PYGB: variants seen among roughly 807,000 people sequenced by gnomAD.
The protein encoded by PYGB is glycogen phosphorylase, brain form.
A neutral mutation model predicts 94.3 loss-of-function variants in PYGB; 82 were observed. The observed-to-expected ratio is 0.87, with a 90% CI of 0.73 to 1.04. The LOEUF (loss-of-function observed/expected upper bound fraction) is 1.04. Among genes scored for constraint, PYGB ranks in the 50% least tolerant of loss-of-function variants. The pLI, the probability that PYGB is intolerant of heterozygous loss-of-function variation, is 0.00. For missense variants in PYGB, 1,132 were observed against 1,158.2 expected, an observed-to-expected ratio of 0.98 and a Z score of 0.33; for synonymous variants, 488 against 479.1, an observed-to-expected ratio of 1.02 and a Z score of -0.24.
Position 25,277,326 on chromosome 20 carries a change from C to A in PYGB, c.855C>A (p.Asn285Lys). The change falls in exon 7 of 20, where the codon AAC becomes AAA. Residue 285 changes from asparagine (N) to lysine (K), a missense_variant and splice_region_variant. Asn to Lys is a moderately conservative substitution (Grantham distance 94, BLOSUM62 0). Transcript: ENST00000216962. Reference protein sequence around the residue: ...NISRVLYPNDNFFEGKELRLK... With the variant: ...NISRVLYPNDKFFEGKELRLK... ...CCAGGGTCCTGTATCCAAATGATAA[C>A]GTGAGTAGCTGGCCTGGGCACTCTT... 2.6e-6 allele frequency: 4 copies of A among 1,556,648 alleles called. No homozygotes were observed. Among genetic ancestry groups the A allele is most frequent in the South Asian group, 1.1e-5 (1 of 89,894 alleles).
intron 1 of PYGB, among the ~76,000 whole-genome samples, chr20:25,253,921 A>C (rs762145440): frequency 6.6e-6 from 1 of 151,996 alleles, no homozygotes; most frequent in Non-Finnish European, 1.5e-5. Context: ...AAAATACAAA[A>C]ATTAGCCAGG....
intron 3 of PYGB, among the ~76,000 whole-genome samples, chr20:25,270,170 AT>A (rs2088253151): frequency 8.2e-6 from 1 of 121,370 alleles, no homozygotes; most frequent in Non-Finnish European, 1.8e-5. Context: ...TGTTTTTTTG[AT>A]TTTTTTAATC....
chr20:25,274,617 G>A lies in PYGB; in HGVS notation c.554G>A (p.Arg185His), dbSNP rs747769681. Residue 185 changes from arginine to histidine, a missense_variant, in exon 5 of 20, where the codon CGC (arginine) becomes CAC (histidine). Arg to His is a conservative substitution (Grantham distance 29). Coordinates refer to ENST00000216962, the MANE Select transcript of PYGB (RefSeq NM_002862.4). ...GTAGAGGAGGCCGATGACTGGCTGC[G>A]CTACGGCAACCCCTGGGAGAAAGCG... ...WQVEEADDWLRYGNPWEKARP... is the reference protein window; with the variant it reads ...WQVEEADDWLHYGNPWEKARP... 8 of 1,613,588 alleles carry A rather than the reference G, an allele frequency of 5.0e-6. No homozygotes were observed. The highest frequency in any genetic ancestry group is 2.2e-5 in the South Asian group (2 of 91,090).
intron 1 of PYGB, 59 bp downstream of exon 1, chr20:25,248,480 C>T: frequency 7.7e-7 from 1 of 1,298,044 alleles, no homozygotes; most frequent in Non-Finnish European, 9.8e-7. Flanking sequence ...GGTCCCGGAG[C>T]CGCGCCAGCG....
In PYGB at chr20:25,293,151, G is replaced by A. The variant is rs2088487536; in HGVS notation, c.2177+538G>A. ...TCGGGGGGGGTGGGGGAGTGGGGGGGATGGGGGGGTTGGGGGGTGGCAGAG... is the reference window on the plus strand; with the variant it reads ...TCGGGGGGGGTGGGGGAGTGGGGGGAATGGGGGGGTTGGGGGGTGGCAGAG... On this transcript the variant is annotated intron_variant, in intron 17 of 19. Transcript: ENST00000216962. Among the ~76,000 whole-genome samples the A allele has an allele frequency of 2.5e-5, 3 of 122,090 alleles. No individual in the cohort carries two copies. The South Asian group carries it at 7.9e-4, about 32-fold the overall frequency. 80.1% of individuals were successfully genotyped at this position (122,090 alleles called of 152,430 possible).
intron 3 of PYGB, 115 bp from the exon 4 acceptor site, chr20:25,271,268 C>T (rs951814289): frequency 7.5e-6 from 7 of 938,694 alleles, no homozygotes; most frequent in Middle Eastern, 2.5e-4. Context: ...CTCAGTGAAG[C>T]CTGAAGTCAG....
intron 15 of PYGB, among the ~76,000 whole-genome samples, chr20:25,289,659 A>G (rs1394095214): frequency 2.0e-5 from 3 of 152,122 alleles, no homozygotes; most frequent in African/African-American, 7.2e-5. Flanking sequence ...AAAAAAGAAA[A>G]AAAAAAGAAG....
At chr20:25,294,946 G>C in intron 18 of PYGB, 1 of 1,613,702 alleles carries the variant, frequency 6.2e-7, no homozygotes, top group Non-Finnish European at 8.5e-7. Flanking sequence ...GCTGCTCTTC[G>C]ATGACCGTGT....
chr20:25,266,984 C>T (rs568193348), intron 2 of PYGB, among the ~76,000 whole-genome samples: 30 of 152,270 alleles, frequency 2.0e-4, no homozygotes, highest in African/African-American at 5.8e-4. Context: ...TTCCATTCCA[C>T]GGTACAGGTC....
At chr20:25,253,302 C>T (rs2092893469) in intron 1 of PYGB, among the ~76,000 whole-genome samples, 1 of 152,182 alleles carries the variant, frequency 6.6e-6, no homozygotes, top group Admixed American at 6.5e-5. Context: ...TCTACACATA[C>T]CTTACTGTTC....
intron 11 of PYGB, 151 bp downstream of exon 11, chr20:25,281,263 A>AGATCT: frequency 1.8e-6 from 2 of 1,132,616 alleles, no homozygotes; most frequent in South Asian, 1.6e-5. Flanking sequence ...AGCTGCCCAG[A>AGATCT]ACACCCTGTC....
intron 1 of PYGB, among the ~76,000 whole-genome samples, chr20:25,257,120 C>T (rs2092904248): frequency 6.6e-6 from 1 of 152,190 alleles, no homozygotes; most frequent in Non-Finnish European, 1.5e-5. Flanking sequence ...TCCAGCAAGC[C>T]TCTTTTCAGT....
At chr20:25,255,440 AACGTGGTGCCC>A (rs1264763059) in intron 1 of PYGB, among the ~76,000 whole-genome samples, 8 of 152,228 alleles carry the variant, frequency 5.3e-5, no homozygotes, top group African/African-American at 1.9e-4. Flanking sequence ...TGGCTGGTGG[AACGTGGTGCCC>A]ACTGGCCTCT....
chr20:25,287,754 A>AG (rs201650446), intron 14 of PYGB, among the ~76,000 whole-genome samples: 2,007 of 152,288 alleles, frequency 0.013, 39 homozygotes, highest in African/African-American at 0.043. Flanking sequence ...CTGAGGCGGA[A>AG]GGGTTGCTTG....
chr20:25,266,428 C>G (rs1402620008), intron 2 of PYGB, among the ~76,000 whole-genome samples: 1 of 151,888 alleles, frequency 6.6e-6, no homozygotes, highest in Admixed American at 6.6e-5. Context: ...AATATAAGAG[C>G]TAAAAGAATA....
Position 25,263,814 on chromosome 20 carries a change from A to G in PYGB, c.345+4476A>G, listed in dbSNP as rs571908929. On this transcript the variant is annotated intron_variant, in intron 2 of 19. Coordinates refer to ENST00000216962, the MANE Select transcript of PYGB (RefSeq NM_002862.4). The stretch of plus-strand genomic sequence containing the variant: ...ATAGCCTAGCAACCAAAAAAAGTCC[A>G]GGACCAGAGGGATTCACAGCTGAAT... Among the ~76,000 whole-genome samples the G allele has an allele frequency of 5.9e-5, 9 of 152,366 alleles. No homozygotes were observed. In the East Asian group the frequency reaches 1.7e-3, roughly 29 times the overall value.
At chr20:25,256,231 C>A (rs573125663) in intron 1 of PYGB, among the ~76,000 whole-genome samples, 1 of 152,168 alleles carries the variant, frequency 6.6e-6, no homozygotes, top group Non-Finnish European at 1.5e-5. Context: ...GTTGGTGTTA[C>A]ACTCTCTTTT....
At chr20:25,249,084 A>G (rs1221073599) in intron 1 of PYGB, among the ~76,000 whole-genome samples, 2 of 152,300 alleles carry the variant, frequency 1.3e-5, no homozygotes, top group East Asian at 3.9e-4. Flanking sequence ...GTTACTTTTT[A>G]TATCTTGCAA....
chr20:25,251,689 C>T (rs1266713979), intron 1 of PYGB, among the ~76,000 whole-genome samples: 10 of 152,256 alleles, frequency 6.6e-5, no homozygotes, highest in South Asian at 4.1e-4. Flanking sequence ...GACAGTTGCA[C>T]GGTTTATTCT....
Sources: gnomAD v4.1 joint callset for allele counts (sites outside exome capture counted in the v4.1 genomes callset) on GRCh38, gnomAD v4.1.1 for gene constraint, MANE v1.5 for transcripts, NCBI Gene and HGNC (gene_info 2026-07-23, HGNC 2026-07-21) for gene names.